FMNL2: variants seen among roughly 807,000 people sequenced by gnomAD.
The protein encoded by FMNL2 is formin like 2.
A neutral mutation model predicts 130.2 loss-of-function variants in FMNL2; 51 were observed. The observed-to-expected ratio is 0.39, with a 90% CI of 0.31 to 0.49. FMNL2 has a LOEUF of 0.49. Among genes scored for constraint, FMNL2 ranks in the 20% least tolerant of loss-of-function variants. The pLI is 0.85. For synonymous variants in FMNL2, 465 were observed against 467.1 expected, an observed-to-expected ratio of 1.00 and a Z score of 0.06; for missense variants, 977 against 1,316.2, an observed-to-expected ratio of 0.74 and a Z score of 3.99.
intron 3 of FMNL2, among the ~76,000 whole-genome samples, chr2:152,545,474 G>GA (rs1694571835): frequency 6.6e-6 from 1 of 152,106 alleles, no homozygotes; most frequent in Non-Finnish European, 1.5e-5. Context: ...AGTTTTAAAT[G>GA]AAACCTCTCG....
At chr2:152,376,969 A>G (rs1684210102) in intron 1 of FMNL2, among the ~76,000 whole-genome samples, 1 of 152,226 alleles carries the variant, frequency 6.6e-6, no homozygotes, top group Non-Finnish European at 1.5e-5. Flanking sequence ...TGAAGGGTTC[A>G]CCTGGAAGGA....
At chr2:152,412,474 AT>A (rs397986313) in intron 1 of FMNL2, among the ~76,000 whole-genome samples, 6 of 30,540 alleles carry the variant, frequency 2.0e-4, no homozygotes, top group Non-Finnish European at 4.0e-4. Context: ...ATATATATAT[AT>A]ATATATATAT....
chr2:152,429,686 C>T (rs1687395667), intron 1 of FMNL2, among the ~76,000 whole-genome samples: 1 of 151,552 alleles, frequency 6.6e-6, no homozygotes. Flanking sequence ...TGGGGAAATG[C>T]TCTTTCTTTT....
intron 1 of FMNL2, among the ~76,000 whole-genome samples, chr2:152,389,785 C>G (rs113811132): frequency 6.6e-6 from 1 of 152,090 alleles, no homozygotes; most frequent in Non-Finnish European, 1.5e-5. Flanking sequence ...CAGCTTCCTT[C>G]GACGCAAAAC....
intron 1 of FMNL2, among the ~76,000 whole-genome samples, chr2:152,340,783 C>T (rs1454873756): frequency 6.6e-6 from 1 of 152,158 alleles, no homozygotes; most frequent in Non-Finnish European, 1.5e-5. Context: ...CCTCTGCTAC[C>T]CGGGTTCAAG....
chr2:152,571,015 T>A (rs1696142930), intron 6 of FMNL2, among the ~76,000 whole-genome samples: 1 of 152,208 alleles, frequency 6.6e-6, no homozygotes, highest in Non-Finnish European at 1.5e-5. Context: ...GGAAGTTTTG[T>A]GGCATTTTAA....
intron 1 of FMNL2, among the ~76,000 whole-genome samples, chr2:152,363,792 C>T (rs1309193646): frequency 6.6e-6 from 1 of 152,136 alleles, no homozygotes; most frequent in African/African-American, 2.4e-5. Flanking sequence ...GAACTCCTGA[C>T]CTCAGGTGAT....
chr2:152,578,863 C>CT (rs755092847), intron 7 of FMNL2, 25 bp from the exon 8 acceptor site: 654 of 1,560,588 alleles, frequency 4.2e-4, no homozygotes, highest in Admixed American at 5.3e-4. Context: ...CTTTGTGTTT[C>CT]TTTTTTTTTC....
intron 1 of FMNL2, among the ~76,000 whole-genome samples, chr2:152,374,509 G>T (rs180804483): frequency 6.6e-6 from 1 of 152,074 alleles, no homozygotes. Flanking sequence ...GAACCAGTGG[G>T]TTATTTCAGT....
At chr2:152,377,923 G>C (rs1412113563) in intron 1 of FMNL2, among the ~76,000 whole-genome samples, 1 of 151,946 alleles carries the variant, frequency 6.6e-6, no homozygotes, top group Non-Finnish European at 1.5e-5. Context: ...CTTGAACCCG[G>C]AAGTTCAAGA....
chr2:152,417,054 G>C (rs1279640785), intron 1 of FMNL2, among the ~76,000 whole-genome samples: 1 of 152,222 alleles, frequency 6.6e-6, no homozygotes, highest in Non-Finnish European at 1.5e-5. Context: ...GTTGTCCTCT[G>C]TGGGTATCTG....
chr2:152,373,265 T>G (rs1204720324), intron 1 of FMNL2, among the ~76,000 whole-genome samples: 6 of 152,246 alleles, frequency 3.9e-5, no homozygotes, highest in Non-Finnish European at 8.8e-5. Context: ...TAAGTTTTTT[T>G]GGGCATTTAA....
intron 1 of FMNL2, among the ~76,000 whole-genome samples, chr2:152,454,334 GT>G (rs1688831883): frequency 6.6e-6 from 1 of 152,112 alleles, no homozygotes; most frequent in Non-Finnish European, 1.5e-5. Context: ...ATGAAATAAA[GT>G]GGCAAATATG....
intron 9 of FMNL2, among the ~76,000 whole-genome samples, chr2:152,599,265 C>T (rs1697921716): frequency 6.6e-6 from 1 of 152,094 alleles, no homozygotes; most frequent in Non-Finnish European, 1.5e-5. Context: ...CTCTATGTGT[C>T]CTTCCTAATG....
chr2:152,634,764 C>G (rs775066789), intron 21 of FMNL2, among the ~76,000 whole-genome samples: 1 of 152,180 alleles, frequency 6.6e-6, no homozygotes. Context: ...TCGTGGAGAA[C>G]TGGACCCTTT....
intron 1 of FMNL2, among the ~76,000 whole-genome samples, chr2:152,365,791 C>T (rs1448982304): frequency 3.9e-5 from 6 of 152,010 alleles, no homozygotes; most frequent in Non-Finnish European, 7.4e-5. Flanking sequence ...AACAAAGTCT[C>T]CTGCCATAAT....
chr2:152,643,113 C>G (rs911245726), intron 25 of FMNL2, among the ~76,000 whole-genome samples: 1 of 152,136 alleles, frequency 6.6e-6, no homozygotes, highest in African/African-American at 2.4e-5. Context: ...AATGAATGTA[C>G]ATTTTCTATT....
At chr2:152,467,428 G>A (rs1240142015) in intron 1 of FMNL2, among the ~76,000 whole-genome samples, 1 of 152,044 alleles carries the variant, frequency 6.6e-6, no homozygotes, top group Admixed American at 6.6e-5. Context: ...GTTTGTTAAC[G>A]GGTACTTCAC....
intron 9 of FMNL2, among the ~76,000 whole-genome samples, chr2:152,584,604 T>G (rs1167809142): frequency 6.6e-6 from 1 of 152,184 alleles, no homozygotes; most frequent in Non-Finnish European, 1.5e-5. Flanking sequence ...TAGAAAGACA[T>G]TTAAAAGGCC....
Sources: gnomAD v4.1 joint callset for allele counts (sites outside exome capture counted in the v4.1 genomes callset) on GRCh38, gnomAD v4.1.1 for gene constraint, MANE v1.5 for transcripts, NCBI Gene and HGNC (gene_info 2026-07-23, HGNC 2026-07-21) for gene names.